SLC25A48: variants seen among roughly 807,000 people sequenced by gnomAD.
The protein encoded by SLC25A48 is solute carrier family 25 member 48.
In SLC25A48, 29 loss-of-function variants were observed where a neutral mutation model predicts 32.2. The observed-to-expected ratio is 0.90, with a 90% CI of 0.67 to 1.23. The LOEUF is 1.23. SLC25A48 is among the 50% of genes most tolerant of loss of function. The pLI is 0.00. For missense variants in SLC25A48, 399 were observed against 422.7 expected (o/e 0.94, Z 0.49); for synonymous variants, 164 against 172.3 (o/e 0.95, Z 0.38).
At chr5:135,854,401 A>G (rs761214739) in intron 4 of SLC25A48, among the ~76,000 whole-genome samples, 27 of 152,242 alleles carry the variant, frequency 1.8e-4, no homozygotes, top group Non-Finnish European at 3.4e-4. Context: ...GAGTATAGTC[A>G]TGTTCATCAA....
At chr5:135,685,219 T>C (rs1011204184) in intron 3 of SLC25A48, among the ~76,000 whole-genome samples, 2 of 151,978 alleles carry the variant, frequency 1.3e-5, no homozygotes, top group African/African-American at 4.8e-5. Context: ...CTGCAAACTT[T>C]TTGATTATAG....
intron 3 of SLC25A48, among the ~76,000 whole-genome samples, chr5:135,730,349 C>A (rs1011897989): frequency 1.3e-5 from 2 of 152,090 alleles, no homozygotes; most frequent in African/African-American, 4.8e-5. Context: ...ATAAGTCTCA[C>A]AAGATCTGAT....
At chr5:135,613,080 C>A (rs1268720588) in intron 1 of SLC25A48, among the ~76,000 whole-genome samples, 1 of 152,162 alleles carries the variant, frequency 6.6e-6, no homozygotes. Flanking sequence ...TCCTCACCAG[C>A]ATCTGTTATT....
At chr5:135,676,562 T>C (rs1753771600) in intron 3 of SLC25A48, among the ~76,000 whole-genome samples, 1 of 151,980 alleles carries the variant, frequency 6.6e-6, no homozygotes, top group Admixed American at 6.6e-5. Flanking sequence ...GACTGTTTAT[T>C]TGGAATCTTT....
chr5:135,803,268 T>C (rs1369167607), intron 3 of SLC25A48, among the ~76,000 whole-genome samples: 2 of 151,014 alleles, frequency 1.3e-5, no homozygotes, highest in African/African-American at 4.8e-5. Context: ...GCAGATATTA[T>C]TCCTAATATC....
chr5:135,631,609 A>C (rs773773006), intron 2 of SLC25A48, among the ~76,000 whole-genome samples: 49 of 152,330 alleles, frequency 3.2e-4, no homozygotes, highest in Non-Finnish European at 5.4e-4. Flanking sequence ...TCCAGAACTA[A>C]TCTGTCCTGC....
chr5:135,660,519 A>G (rs1753372355), intron 3 of SLC25A48, among the ~76,000 whole-genome samples: 1 of 152,230 alleles, frequency 6.6e-6, no homozygotes, highest in African/African-American at 2.4e-5. Flanking sequence ...GGTCAGCATC[A>G]TAGTGGCTAA....
At chr5:135,634,287 C>G (rs1333522027) in intron 2 of SLC25A48, among the ~76,000 whole-genome samples, 1 of 152,208 alleles carries the variant, frequency 6.6e-6, no homozygotes, top group Admixed American at 6.5e-5. Flanking sequence ...CCCAGTGTAC[C>G]AAATGCAAAT....
At chr5:135,787,050 G>A (rs1265609142) in intron 3 of SLC25A48, among the ~76,000 whole-genome samples, 1 of 152,058 alleles carries the variant, frequency 6.6e-6, no homozygotes, top group African/African-American at 2.4e-5. Context: ...GACAGTGGGT[G>A]TAACCCATGT....
chr5:135,812,037 G>A (rs62364727), intron 3 of SLC25A48, among the ~76,000 whole-genome samples: 57,924 of 152,134 alleles, frequency 0.38, 12,603 homozygotes, highest in Non-Finnish European at 0.49. Flanking sequence ...AGCTGAGCCC[G>A]CACCACTGCA....
intron 3 of SLC25A48, among the ~76,000 whole-genome samples, chr5:135,685,442 T>TC (rs1377551399): frequency 6.7e-6 from 1 of 149,964 alleles, no homozygotes; most frequent in Non-Finnish European, 1.5e-5. Context: ...TTTTTTTTTT[T>TC]TTTTTTTGAG....
intron 6 of SLC25A48, among the ~76,000 whole-genome samples, chr5:135,877,240 C>G (rs190853372): frequency 6.6e-6 from 1 of 152,082 alleles, no homozygotes; most frequent in African/African-American, 2.4e-5. Flanking sequence ...CTACATGGAC[C>G]ATAGCTCTGA....
intron 3 of SLC25A48, among the ~76,000 whole-genome samples, chr5:135,678,511 G>T (rs372129763): frequency 1.1e-4 from 17 of 151,952 alleles, no homozygotes; most frequent in African/African-American, 3.1e-4. Flanking sequence ...TTAACTATTT[G>T]TATGGCATTT....
At chr5:135,845,512 C>T (rs566009665) in intron 2 of SLC25A48, among the ~76,000 whole-genome samples, 87 of 152,326 alleles carry the variant, frequency 5.7e-4, no homozygotes, top group Non-Finnish European at 1.0e-3. Flanking sequence ...GTTTTCTCAA[C>T]AGACCCTGTC....
intron 3 of SLC25A48, among the ~76,000 whole-genome samples, chr5:135,699,045 G>T (rs1386016334): frequency 6.6e-6 from 1 of 152,178 alleles, no homozygotes; most frequent in Non-Finnish European, 1.5e-5. Context: ...AACACCAAAT[G>T]CTGGTGAGGA....
At chr5:135,804,311 C>T (rs1302550177) in intron 3 of SLC25A48, among the ~76,000 whole-genome samples, 1 of 151,748 alleles carries the variant, frequency 6.6e-6, no homozygotes, top group African/African-American at 2.4e-5. Context: ...GGTTTCCACA[C>T]ATGGTGTATA....
chr5:135,681,189 G>A (rs1249043168), intron 3 of SLC25A48, among the ~76,000 whole-genome samples: 1 of 152,138 alleles, frequency 6.6e-6, no homozygotes, highest in African/African-American at 2.4e-5. Flanking sequence ...TGGTCAGGCT[G>A]GTCTCAAACT....
intron 3 of SLC25A48, among the ~76,000 whole-genome samples, chr5:135,768,084 C>T (rs1304469251): frequency 6.8e-6 from 1 of 148,012 alleles, no homozygotes; most frequent in African/African-American, 2.5e-5. Context: ...GTGTACACCC[C>T]CCTGTGATAT....
chr5:135,780,294 G>A lies in SLC25A48; in HGVS notation c.-520-32229G>A, dbSNP rs192834606. On this transcript the variant is annotated intron_variant, in intron 3 of 10. Transcript: ENST00000646290. ...GTAGAGACGGGGTTTCACCGTGTTA[G>A]CCAGGATGGTCTTGATCTCCTAACC... is the stretch of plus-strand genomic sequence containing the variant. 3.9e-3 allele frequency among the ~76,000 whole-genome samples: 448 copies of A among 113,776 alleles called. 129 individuals are homozygous for A. The highest frequency in any genetic ancestry group is 0.02 in the South Asian group (62 of 3,054). The allele number at this position is 113,776 out of a possible 152,430, so 74.6% of individuals were successfully genotyped here.
Sources: gnomAD v4.1 joint callset for allele counts (sites outside exome capture counted in the v4.1 genomes callset) on GRCh38, gnomAD v4.1.1 for gene constraint, MANE v1.5 for transcripts, NCBI Gene and HGNC (gene_info 2026-07-23, HGNC 2026-07-21) for gene names.